Variants in OAS2 observed in about 807,000 individuals in gnomAD.
OAS2 encodes 2'-5'-oligoadenylate synthase 2.
A neutral mutation model predicts 71.3 loss-of-function variants in OAS2; 67 were observed. That is an observed-to-expected ratio of 0.94 (90% CI 0.77 to 1.15). The LOEUF (loss-of-function observed/expected upper bound fraction) is 1.15. Ranked by LOEUF, OAS2 falls within the 50% of genes most tolerant of loss-of-function variation. The pLI, the probability that OAS2 is intolerant of heterozygous loss-of-function variation, is 0.00. For synonymous variants in OAS2, 327 were observed against 321.8 expected, an observed-to-expected ratio of 1.02 and a Z score of -0.17; for missense variants, 789 against 822.5, an observed-to-expected ratio of 0.96 and a Z score of 0.50.
rs1197507931 is a variant in OAS2 at position 112,987,135 on chromosome 12, G to A, written c.275G>A (p.Arg92Lys). 1.9e-6 allele frequency: 3 copies of A among 1,614,092 alleles called. No individual in the cohort carries two copies. Among genetic ancestry groups the A allele is most frequent in the South Asian group, 1.1e-5 (1 of 91,090 alleles). The part of the protein sequence containing the change: ...SDLKQFQDQK[R>K]SQRDILDKTG... ...TTAAAACAATTCCAGGATCAGAAGA[G>A]AAGCCAACGTGACATCCTCGATAAA... The change falls in exon 2 of 10, where the codon AGA (arginine) becomes AAA (lysine). Residue 92 changes from arginine to lysine, a missense_variant. Arg to Lys is a conservative substitution (Grantham distance 26, BLOSUM62 2). Transcript: ENST00000392583.
At chr12:113,003,192 G>A in intron 6 of OAS2, 90 bp downstream of exon 6, 2 of 1,356,632 alleles carry the variant, frequency 1.5e-6, no homozygotes, top group Non-Finnish European at 2.1e-6. Context: ...AGCTCTCCAG[G>A]ATCCATCTAC....
At chr12:113,005,292 A>C (rs553707683) in intron 7 of OAS2, 70 bp downstream of exon 7, 1 of 1,465,962 alleles carries the variant, frequency 6.8e-7, no homozygotes, top group Non-Finnish European at 9.3e-7. Flanking sequence ...ACGTGACTTG[A>C]TTACGGGCTC....
intron 5 of OAS2, among the ~76,000 whole-genome samples, chr12:113,002,503 G>A (rs985192240): frequency 1.2e-4 from 18 of 152,212 alleles, no homozygotes; most frequent in Non-Finnish European, 4.4e-5. Flanking sequence ...CCTTAAGAAA[G>A]GAATGGATGT....
intron 6 of OAS2, among the ~76,000 whole-genome samples, chr12:113,004,208 A>G (rs2044311368): frequency 1.3e-5 from 2 of 152,186 alleles, no homozygotes; most frequent in South Asian, 4.1e-4. Flanking sequence ...CTTAAAGACA[A>G]AGGTGGCCTG....
intron 9 of OAS2, among the ~76,000 whole-genome samples, chr12:113,008,851 T>G (rs1044564230): frequency 1.3e-5 from 2 of 152,160 alleles, no homozygotes; most frequent in Non-Finnish European, 2.9e-5. Context: ...GTTCTCGAAC[T>G]CCTGGCCCTC....
rs1472970877 is a variant in OAS2 at position 113,006,572 on chromosome 12, T to A, written c.1628T>A (p.Ile543Asn). The change falls in exon 8 of 10, where the codon ATT (isoleucine) becomes AAT (asparagine). Residue 543 changes from isoleucine to asparagine, a missense_variant. By Grantham distance (149) the Ile-to-Asn change is moderately radical. Coordinates refer to ENST00000392583, the MANE Select transcript of OAS2 (RefSeq NM_002535.3). ...RSRPTKLKDL[I>N]RLVKHWYKEC... ...CGGCCCACCAAACTAAAGGATTTAA[T>A]TCGCCTGGTGAAGCACTGGTACAAA... is the stretch of plus-strand genomic sequence containing the variant. The A allele has an allele frequency of 6.2e-7, 1 of 1,608,780 alleles. No homozygotes were observed. Among genetic ancestry groups the A allele is most frequent in the Non-Finnish European group, 8.5e-7 (1 of 1,175,964 alleles).
chr12:112,990,286 A>C (rs987362980), intron 2 of OAS2, among the ~76,000 whole-genome samples: 3 of 152,224 alleles, frequency 2.0e-5, no homozygotes, highest in African/African-American at 2.4e-5. Flanking sequence ...AGGGGGACAG[A>C]ATTTACAGGC....
intron 1 of OAS2, among the ~76,000 whole-genome samples, chr12:112,980,601 T>C (rs2044071234): frequency 6.6e-6 from 1 of 152,222 alleles, no homozygotes; most frequent in African/African-American, 2.4e-5. Context: ...AGTATTCTAT[T>C]GTGTATATAT....
chr12:112,986,325 A>G (rs954833391), intron 1 of OAS2, among the ~76,000 whole-genome samples: 9 of 152,076 alleles, frequency 5.9e-5, no homozygotes, highest in Admixed American at 1.3e-4. Context: ...TCAAGATGAC[A>G]TGTTCGGGTG....
intron 7 of OAS2, 104 bp downstream of exon 7, chr12:113,005,326 T>G: frequency 1.7e-6 from 2 of 1,149,710 alleles, no homozygotes; most frequent in Non-Finnish European, 2.5e-6. Flanking sequence ...CACTCATGGG[T>G]CCCTGGCCCC....
chr12:112,988,476 CT>C, intron 2 of OAS2: 1 of 471,300 alleles, frequency 2.1e-6, no homozygotes, highest in Non-Finnish European at 2.8e-6. Context: ...AGTTGGCCAC[CT>C]TTGATTGGCC....
At chr12:112,985,944 C>G (rs2044130610) in intron 1 of OAS2, among the ~76,000 whole-genome samples, 1 of 151,984 alleles carries the variant, frequency 6.6e-6, no homozygotes, top group African/African-American at 2.4e-5. Flanking sequence ...TATGCTCCAG[C>G]CTAGGTGACA....
At chr12:113,007,567 A>G in intron 8 of OAS2, 138 bp from the exon 9 acceptor site, 1 of 726,650 alleles carries the variant, frequency 1.4e-6, no homozygotes, top group East Asian at 2.5e-5. Flanking sequence ...TGTAGGCTGT[A>G]CAATTTAGAC....
chr12:112,984,945 G>GTT (rs55832622), intron 1 of OAS2, among the ~76,000 whole-genome samples: 110 of 151,746 alleles, frequency 7.2e-4, no homozygotes, highest in Middle Eastern at 6.8e-3. Flanking sequence ...GTCTGAAAGG[G>GTT]TTTTTTTTTA....
chr12:112,987,874 T>C (rs1293764), intron 2 of OAS2: 685,742 of 985,672 alleles, frequency 0.7, 240,278 homozygotes, highest in East Asian at 0.92. Context: ...CCTAAATCCC[T>C]AAGACCTGCC....
intron 1 of OAS2, among the ~76,000 whole-genome samples, chr12:112,979,045 G>T (rs2044055119): frequency 6.6e-6 from 1 of 152,174 alleles, no homozygotes; most frequent in South Asian, 2.1e-4. Flanking sequence ...GTATCGTAAG[G>T]CTTGAGCACA....
chr12:112,987,961 T>C, intron 2 of OAS2: 1 of 985,422 alleles, frequency 1.0e-6, no homozygotes, highest in Non-Finnish European at 1.2e-6. Flanking sequence ...CTTACCAGGC[T>C]TCTGGTTTAA....
At position 113,010,605 on chromosome 12, in the gene OAS2, A is replaced by G. The variant is rs2044372448; in HGVS notation, c.*1350A>G. On this transcript the variant is annotated 3_prime_UTR_variant, in exon 10 of 10. Transcript: ENST00000392583. ...TTGCTTCTTGGACTTCTTGAAATCA[A>G]TCAAGACTGCAAACCCTTTCATAAA... The G allele has an allele frequency of 3.5e-6, 5 of 1,432,752 alleles. No homozygotes were observed. The highest frequency in any genetic ancestry group is 2.4e-5 in the East Asian group (1 of 41,958). 88.8% of individuals were successfully genotyped at this position (1,432,752 alleles called of 1,614,324 possible).
intron 1 of OAS2, among the ~76,000 whole-genome samples, chr12:112,984,744 G>C (rs1284129670): frequency 6.6e-6 from 1 of 152,132 alleles, no homozygotes; most frequent in Non-Finnish European, 1.5e-5. Flanking sequence ...TGCTCTACCA[G>C]TGAGTTTTAT....
Sources: gnomAD v4.1 joint callset for allele counts (sites outside exome capture counted in the v4.1 genomes callset) on GRCh38, gnomAD v4.1.1 for gene constraint, MANE v1.5 for transcripts, NCBI Gene and HGNC (gene_info 2026-07-23, HGNC 2026-07-21) for gene names.